KIF16B: variants seen among roughly 807,000 people sequenced by gnomAD.
KIF16B encodes kinesin-like protein KIF16B.
In KIF16B, 98 loss-of-function variants were observed where a neutral mutation model predicts 156.3. The ratio of observed to expected loss-of-function variants is 0.63; its 90% CI spans 0.53 to 0.74. The LOEUF is 0.74. Among genes scored for constraint, KIF16B ranks in the 30% least tolerant of loss-of-function variants. KIF16B has a pLI of 0.00. For synonymous variants in KIF16B, 564 were observed against 583.7 expected, an observed-to-expected ratio of 0.97 and a Z score of 0.49; for missense variants, 1,421 against 1,606.5, an observed-to-expected ratio of 0.88 and a Z score of 1.97.
intron 12 of KIF16B, among the ~76,000 whole-genome samples, chr20:16,465,678 A>G (rs753282310): frequency 5.9e-5 from 9 of 152,244 alleles, no homozygotes; most frequent in East Asian, 1.9e-4. Flanking sequence ...TATATGCTTA[A>G]CATTCATTTA....
At chr20:16,370,091 T>C (rs547050584) in intron 22 of KIF16B, among the ~76,000 whole-genome samples, 1 of 152,298 alleles carries the variant, frequency 6.6e-6, no homozygotes, top group Admixed American at 6.5e-5. Context: ...TAGGAATATA[T>C]GGGAGAGACA....
intron 25 of KIF16B, among the ~76,000 whole-genome samples, chr20:16,281,032 T>C (rs143721185): frequency 3.9e-5 from 6 of 152,306 alleles, no homozygotes; most frequent in African/African-American, 1.4e-4. Context: ...CTCATGACTA[T>C]AACTGCAGCC....
At chr20:16,570,357 A>G (rs1466596288) in intron 1 of KIF16B, among the ~76,000 whole-genome samples, 1 of 152,242 alleles carries the variant, frequency 6.6e-6, no homozygotes, top group Non-Finnish European at 1.5e-5. Flanking sequence ...GCTTAAGTAT[A>G]CAGATTTCTA....
intron 22 of KIF16B, among the ~76,000 whole-genome samples, chr20:16,363,566 C>A (rs531673684): frequency 6.6e-6 from 1 of 152,304 alleles, no homozygotes; most frequent in Non-Finnish European, 1.5e-5. Context: ...AGGGTACTTC[C>A]TTGCCCCTTG....
chr20:16,347,436 G>A (rs1270701872), intron 23 of KIF16B, among the ~76,000 whole-genome samples: 3 of 152,154 alleles, frequency 2.0e-5, no homozygotes, highest in African/African-American at 7.2e-5. Context: ...TTTCTTCTGT[G>A]CTTGTAACTC....
At chr20:16,273,706 C>T (rs531598636) in intron 25 of KIF16B, among the ~76,000 whole-genome samples, 23 of 150,284 alleles carry the variant, frequency 1.5e-4, no homozygotes, top group Non-Finnish European at 2.5e-4. Flanking sequence ...AATCAGAATA[C>T]GGTCAAGGTA....
At chr20:16,431,872 TATAC>T (rs1313158252) in intron 12 of KIF16B, among the ~76,000 whole-genome samples, 2 of 143,224 alleles carry the variant, frequency 1.4e-5, no homozygotes, top group African/African-American at 5.1e-5. Flanking sequence ...TATATATATA[TATAC>T]ATATATATAT....
intron 1 of KIF16B, among the ~76,000 whole-genome samples, chr20:16,563,087 T>C (rs889487866): frequency 6.6e-6 from 1 of 152,226 alleles, no homozygotes; most frequent in African/African-American, 2.4e-5. Context: ...TGTCTATAAA[T>C]AAATGACTGA....
intron 6 of KIF16B, among the ~76,000 whole-genome samples, chr20:16,508,927 C>T (rs1600578870): frequency 6.6e-6 from 1 of 152,170 alleles, no homozygotes; most frequent in Admixed American, 6.5e-5. Context: ...AAAGGCTACA[C>T]AGTTACACTG....
intron 15 of KIF16B, among the ~76,000 whole-genome samples, chr20:16,416,707 AT>A (rs1240607108): frequency 5.3e-5 from 8 of 150,674 alleles, no homozygotes; most frequent in Admixed American, 5.3e-4. Flanking sequence ...CACATCCTGC[AT>A]ATGTACCCCA....
intron 12 of KIF16B, among the ~76,000 whole-genome samples, chr20:16,455,749 A>C (rs1410659624): frequency 6.6e-6 from 1 of 152,220 alleles, no homozygotes; most frequent in African/African-American, 2.4e-5. Flanking sequence ...AACAGGCTAC[A>C]AACTGCCTGC....
chr20:16,285,685 G>A (rs2063212840), intron 25 of KIF16B, among the ~76,000 whole-genome samples: 1 of 152,012 alleles, frequency 6.6e-6, no homozygotes, highest in Non-Finnish European at 1.5e-5. Context: ...CAGATGTGGT[G>A]GTGCACCTGT....
intron 1 of KIF16B, among the ~76,000 whole-genome samples, chr20:16,567,129 C>T (rs1448817529): frequency 2.0e-5 from 3 of 152,182 alleles, no homozygotes; most frequent in Non-Finnish European, 2.9e-5. Flanking sequence ...GACTTGGATT[C>T]AAATCCAGCA....
intron 15 of KIF16B, among the ~76,000 whole-genome samples, chr20:16,410,573 C>T (rs936001088): frequency 9.2e-5 from 14 of 151,856 alleles, no homozygotes; most frequent in Non-Finnish European, 1.5e-5. Context: ...TAACTTTATA[C>T]AATATTTTAA....
In KIF16B at chr20:16,543,656, A is replaced by AT. The variant is rs577834306; in HGVS notation, c.48-15217_48-15216insA. 2.3e-3 allele frequency among the ~76,000 whole-genome samples: 354 copies of AT among 152,276 alleles called. 1 individual carries two copies. Among genetic ancestry groups the AT allele is most frequent in the African/African-American group, 7.7e-3 (322 of 41,552 alleles). On this transcript the variant is annotated intron_variant, in intron 1 of 25. Coordinates refer to ENST00000354981, the MANE Select transcript of KIF16B (RefSeq NM_024704.5). ...CTAAATTTTGCTCAAGACCAAAGAT[A>AT]ATAATGACACTTTCATGGGGAATTT...
chr20:16,338,959 C>T (rs1555849107), intron 23 of KIF16B, among the ~76,000 whole-genome samples: 1 of 152,106 alleles, frequency 6.6e-6, no homozygotes, highest in Non-Finnish European at 1.5e-5. Flanking sequence ...TTGATGACAT[C>T]AAAAATTTTT....
intron 15 of KIF16B, among the ~76,000 whole-genome samples, chr20:16,426,242 C>T (rs2066348683): frequency 6.6e-6 from 1 of 151,678 alleles, no homozygotes; most frequent in African/African-American, 2.4e-5. Flanking sequence ...TCAAAACTGC[C>T]AAAGTCAGAA....
intron 17 of KIF16B, among the ~76,000 whole-genome samples, chr20:16,403,786 C>G (rs1600302367): frequency 6.6e-6 from 1 of 152,290 alleles, no homozygotes; most frequent in East Asian, 1.9e-4. Flanking sequence ...CAAACCAGAA[C>G]ACTGGCTTGG....
At chr20:16,393,017 AATG>A (rs1174485262) in intron 17 of KIF16B, among the ~76,000 whole-genome samples, 2 of 152,266 alleles carry the variant, frequency 1.3e-5, no homozygotes, top group Non-Finnish European at 2.9e-5. Context: ...ATAAACATAA[AATG>A]AAGAATCATA....
Sources: gnomAD v4.1 joint callset for allele counts (sites outside exome capture counted in the v4.1 genomes callset) on GRCh38, gnomAD v4.1.1 for gene constraint, MANE v1.5 for transcripts, NCBI Gene and HGNC (gene_info 2026-07-23, HGNC 2026-07-21) for gene names.